Variants in NECAB1 observed in about 807,000 individuals in gnomAD.
NECAB1 encodes N-terminal EF-hand calcium binding protein 1, also known as N-terminal EF-hand calcium-binding protein 1.
In NECAB1, 29 loss-of-function variants were observed where a neutral mutation model predicts 57.5. That is an observed-to-expected ratio of 0.50 (90% CI 0.38 to 0.69). The LOEUF (loss-of-function observed/expected upper bound fraction) is 0.69, where lower values mean the gene tolerates loss of function less well. NECAB1 is among the 30% of genes least tolerant of loss of function. The probability of loss-of-function intolerance (pLI) is 0.00; values close to 1 mark genes in which losing one functional copy is unlikely to be tolerated. For synonymous variants in NECAB1, 142 were observed against 147.7 expected (o/e 0.96, Z 0.28); for missense variants, 372 against 413.8 (o/e 0.90, Z 0.88).
intron 3 of NECAB1, among the ~76,000 whole-genome samples, chr8:90,831,891 A>G (rs1322473962): frequency 6.6e-6 from 1 of 152,212 alleles, no homozygotes. Flanking sequence ...TTTAAAAATT[A>G]TGAAGAATTA....
intron 2 of NECAB1, among the ~76,000 whole-genome samples, chr8:90,819,482 T>C (rs556177524): frequency 6.5e-4 from 99 of 152,096 alleles, no homozygotes; most frequent in Non-Finnish European, 1.3e-3. Flanking sequence ...ATGTTTGCTC[T>C]AGTGGTAGGG....
intron 2 of NECAB1, among the ~76,000 whole-genome samples, chr8:90,807,596 A>G (rs10956778): frequency 0.38 from 57,827 of 152,052 alleles, 12,265 homozygotes; most frequent in East Asian, 0.81. Context: ...TCTTCTAATC[A>G]GGGCTCCTAG....
intron 8 of NECAB1, among the ~76,000 whole-genome samples, chr8:90,929,393 G>A (rs1810352793): frequency 6.6e-6 from 1 of 152,158 alleles, no homozygotes; most frequent in South Asian, 2.1e-4. Context: ...GGAAGAATAT[G>A]GAAGTACTCA....
chr8:90,943,489 A>G (rs1210818385), intron 10 of NECAB1, among the ~76,000 whole-genome samples: 7 of 152,202 alleles, frequency 4.6e-5, no homozygotes, highest in Admixed American at 3.9e-4. Flanking sequence ...GTCTGTCTAC[A>G]TTCAATTTTT....
At chr8:90,905,625 C>T (rs1217736356) in intron 5 of NECAB1, among the ~76,000 whole-genome samples, 1 of 152,174 alleles carries the variant, frequency 6.6e-6, no homozygotes, top group African/African-American at 2.4e-5. Flanking sequence ...TTCATCTGTG[C>T]TGCTGGGCAT....
At chr8:90,799,539 T>C (rs1811726442) in intron 1 of NECAB1, among the ~76,000 whole-genome samples, 1 of 152,234 alleles carries the variant, frequency 6.6e-6, no homozygotes, top group Non-Finnish European at 1.5e-5. Context: ...CTACTAGCTA[T>C]CCCAGCACCA....
intron 2 of NECAB1, among the ~76,000 whole-genome samples, chr8:90,816,516 C>T (rs1337970466): frequency 6.6e-6 from 1 of 151,794 alleles, no homozygotes; most frequent in Non-Finnish European, 1.5e-5. Context: ...GGTGTTAGGT[C>T]TGTGTCTAGA....
At chr8:90,856,152 C>G (rs1015869096) in intron 3 of NECAB1, among the ~76,000 whole-genome samples, 3 of 152,112 alleles carry the variant, frequency 2.0e-5, no homozygotes, top group African/African-American at 7.2e-5. Flanking sequence ...AAAATCTAGA[C>G]TAGTTTTGGA....
chr8:90,824,198 A>G (rs758846543), intron 2 of NECAB1, among the ~76,000 whole-genome samples: 4 of 151,784 alleles, frequency 2.6e-5, no homozygotes, highest in Non-Finnish European at 5.9e-5. Context: ...TTTGTGCCCT[A>G]CAGTAAGTAA....
intron 12 of NECAB1, among the ~76,000 whole-genome samples, chr8:90,953,586 C>T (rs1308847453): frequency 1.3e-5 from 2 of 152,178 alleles, no homozygotes; most frequent in African/African-American, 2.4e-5. Context: ...AAACCTACAA[C>T]ATTTTGACAT....
At chr8:90,795,868 T>A (rs1463317502) in intron 1 of NECAB1, among the ~76,000 whole-genome samples, 2 of 151,886 alleles carry the variant, frequency 1.3e-5, no homozygotes, top group African/African-American at 2.4e-5. Context: ...GAAAAAAAAA[T>A]TTAATGCATG....
chr8:90,916,922 A>G (rs919616113), intron 5 of NECAB1, among the ~76,000 whole-genome samples: 13 of 152,240 alleles, frequency 8.5e-5, no homozygotes, highest in Non-Finnish European at 1.6e-4. Flanking sequence ...GAAAGACATA[A>G]GCAGATTTAG....
chr8:90,933,377 G>A (rs766447670), intron 8 of NECAB1, among the ~76,000 whole-genome samples: 4 of 152,074 alleles, frequency 2.6e-5, no homozygotes, highest in Non-Finnish European at 5.9e-5. Context: ...GTGTATGTAC[G>A]ATGGAATACT....
chr8:90,909,688 T>A (rs1488457364), intron 5 of NECAB1, among the ~76,000 whole-genome samples: 2 of 152,114 alleles, frequency 1.3e-5, no homozygotes, highest in African/African-American at 4.8e-5. Flanking sequence ...TGTTTTGTTT[T>A]TTACTCCATA....
chr8:90,918,457 C>T (rs528995356), intron 6 of NECAB1, among the ~76,000 whole-genome samples: 1 of 152,026 alleles, frequency 6.6e-6, no homozygotes, highest in Non-Finnish European at 1.5e-5. Flanking sequence ...AAAAACTATA[C>T]TGCAAAGAAC....
At chr8:90,845,182 C>T (rs78458598) in intron 3 of NECAB1, among the ~76,000 whole-genome samples, 8 of 152,098 alleles carry the variant, frequency 5.3e-5, no homozygotes, top group East Asian at 1.9e-4. Flanking sequence ...TTACCTCATC[C>T]AAAACACCTT....
At chr8:90,829,470 C>A (rs1298959484) in intron 3 of NECAB1, among the ~76,000 whole-genome samples, 1 of 152,034 alleles carries the variant, frequency 6.6e-6, no homozygotes. Context: ...CAGCACACTG[C>A]ACTTTGGAGT....
At chr8:90,955,344 T>C in intron 12 of NECAB1, 143 bp from the exon 13 acceptor site, 1 of 563,904 alleles carries the variant, frequency 1.8e-6, no homozygotes, top group Non-Finnish European at 3.0e-6. Flanking sequence ...CCTCAAATAG[T>C]CAGGAAATGG....
chr8:90,792,040 C>T (rs1332775858), intron 1 of NECAB1, 55 bp downstream of exon 1: 6 of 1,405,424 alleles, frequency 4.3e-6, no homozygotes, highest in African/African-American at 2.8e-5. Context: ...TTCTTTTCCC[C>T]GAAAGGAAGG....
Sources: allele counts gnomAD v4.1 joint callset (sites outside exome capture counted in the v4.1 genomes callset), GRCh38; gene constraint gnomAD v4.1.1; transcripts MANE v1.5; gene names NCBI Gene and HGNC (gene_info 2026-07-23, HGNC 2026-07-21).